SRPK1: variants seen among roughly 807,000 people sequenced by gnomAD.
SRPK1 encodes the protein SRSF protein kinase 1, also known as SFRS protein kinase 1.
In SRPK1, 52 loss-of-function variants were observed where a neutral mutation model predicts 89.5. That is an observed-to-expected ratio of 0.58 (90% CI 0.46 to 0.73). The LOEUF (loss-of-function observed/expected upper bound fraction) is 0.73, where lower values mean the gene tolerates loss of function less well. Among genes scored for constraint, SRPK1 ranks in the 30% least tolerant of loss-of-function variants. The pLI is 0.00. For synonymous variants in SRPK1, 255 were observed against 270.2 expected, an observed-to-expected ratio of 0.94 and a Z score of 0.55; for missense variants, 603 against 780.6, an observed-to-expected ratio of 0.77 and a Z score of 2.71.
At chr6:35,902,566 G>A (rs1342999261) in intron 2 of SRPK1, among the ~76,000 whole-genome samples, 2 of 152,132 alleles carry the variant, frequency 1.3e-5, no homozygotes, top group African/African-American at 4.8e-5. Flanking sequence ...GGCACTCAAT[G>A]CAATTTCATC....
intron 6 of SRPK1, among the ~76,000 whole-genome samples, chr6:35,884,150 AGAG>A (rs750831497): frequency 5.9e-5 from 9 of 152,204 alleles, no homozygotes; most frequent in Non-Finnish European, 2.9e-5. Context: ...ATTATGAATA[AGAG>A]GAGCTAGCAA....
intron 13 of SRPK1, among the ~76,000 whole-genome samples, chr6:35,848,662 G>A (rs541095563): frequency 9.8e-5 from 15 of 152,324 alleles, no homozygotes; most frequent in Admixed American, 8.5e-4. Context: ...CAGACGCATA[G>A]ACCAAAGGAA....
At chr6:35,873,316 G>A (rs759728401) in intron 7 of SRPK1, among the ~76,000 whole-genome samples, 3 of 152,140 alleles carry the variant, frequency 2.0e-5, no homozygotes, top group African/African-American at 4.8e-5. Flanking sequence ...ATTACTATTT[G>A]CAACCAGAAC....
chr6:35,920,586 GA>G, intron 1 of SRPK1, 58 bp from the exon 2 acceptor site: 1 of 1,565,918 alleles, frequency 6.4e-7, no homozygotes, highest in Non-Finnish European at 8.7e-7. Flanking sequence ...CGACCAAGGT[GA>G]GGGTGGAGAC....
chr6:35,885,784 A>C (rs1167030623), intron 6 of SRPK1, among the ~76,000 whole-genome samples: 1 of 152,238 alleles, frequency 6.6e-6, no homozygotes, highest in Non-Finnish European at 1.5e-5. Flanking sequence ...AGCTGTTGCA[A>C]TAACCTTTCC....
intron 12 of SRPK1, among the ~76,000 whole-genome samples, chr6:35,858,423 G>A (rs1769710499): frequency 6.6e-6 from 1 of 152,040 alleles, no homozygotes; most frequent in Non-Finnish European, 1.5e-5. Context: ...TATAAGAGGT[G>A]AAAACAGGCT....
chr6:35,890,844 A>T, intron 3 of SRPK1, 51 bp downstream of exon 3: 1 of 1,472,822 alleles, frequency 6.8e-7, no homozygotes, highest in East Asian at 2.6e-5. Context: ...CCAAACGAGA[A>T]ATTGCAAATA....
intron 12 of SRPK1, among the ~76,000 whole-genome samples, chr6:35,868,714 G>A (rs970728232): frequency 3.3e-5 from 5 of 152,000 alleles, no homozygotes; most frequent in Non-Finnish European, 5.9e-5. Flanking sequence ...AGTTAATAAT[G>A]ATATATATAT....
chr6:35,836,775 T>C (rs1346251103), intron 15 of SRPK1, among the ~76,000 whole-genome samples: 1 of 149,760 alleles, frequency 6.7e-6, no homozygotes, highest in Non-Finnish European at 1.5e-5. Context: ...ATAATAATAA[T>C]AATAATAATA....
chr6:35,863,469 A>T (rs1465746658), intron 12 of SRPK1, among the ~76,000 whole-genome samples: 1 of 150,414 alleles, frequency 6.6e-6, no homozygotes, highest in Non-Finnish European at 1.5e-5. Flanking sequence ...AAAAAAAAAA[A>T]ATTAATTAAT....
At position 35,921,061 on chromosome 6, in the gene SRPK1, A is replaced by G; in HGVS notation, c.-5T>C. 1 of 1,533,580 alleles carries G rather than the reference A, an allele frequency of 6.5e-7. No homozygotes were observed. Among genetic ancestry groups the G allele is most frequent in the Non-Finnish European group, 8.8e-7 (1 of 1,141,326 alleles). 95.0% of individuals were successfully genotyped at this position (1,533,580 alleles called of 1,614,324 possible). ...CCGCTCACCTTTCCGCTCCATGGTG[A>G]GACCGGTAATCGCCAGGCGCCTGCG... On this transcript the variant is annotated 5_prime_UTR_variant, in exon 1 of 16. Coordinates refer to ENST00000373825, the MANE Select transcript of SRPK1 (RefSeq NM_003137.5).
intron 12 of SRPK1, among the ~76,000 whole-genome samples, chr6:35,858,232 GCCA>G (rs72096063): frequency 9.9e-4 from 150 of 151,706 alleles, no homozygotes; most frequent in African/African-American, 3.5e-3. Context: ...TCCCAACCCT[GCCA>G]CCACACCTAC....
intron 7 of SRPK1, 40 bp from the exon 8 acceptor site, chr6:35,872,768 A>G: frequency 1.3e-6 from 2 of 1,532,772 alleles, no homozygotes; most frequent in Non-Finnish European, 1.8e-6. Flanking sequence ...AACACAAAAT[A>G]CAGGCTTTCT....
intron 2 of SRPK1, among the ~76,000 whole-genome samples, chr6:35,892,900 G>A (rs1189002659): frequency 1.3e-5 from 2 of 152,126 alleles, no homozygotes; most frequent in Non-Finnish European, 2.9e-5. Context: ...AGCTATTTAA[G>A]ACATAAGAAA....
chr6:35,845,310 C>G (rs1407974741), intron 13 of SRPK1, among the ~76,000 whole-genome samples: 1 of 152,148 alleles, frequency 6.6e-6, no homozygotes, highest in Non-Finnish European at 1.5e-5. Flanking sequence ...AAATGTATCA[C>G]TCTGGAGCAG....
chr6:35,847,735 G>C (rs561907277), intron 13 of SRPK1, among the ~76,000 whole-genome samples: 15 of 151,934 alleles, frequency 9.9e-5, no homozygotes, highest in Non-Finnish European at 1.9e-4. Flanking sequence ...TAAAAGACCT[G>C]TACACTGAAA....
At chr6:35,895,123 GA>G (rs1319067032) in intron 2 of SRPK1, among the ~76,000 whole-genome samples, 1 of 151,946 alleles carries the variant, frequency 6.6e-6, no homozygotes, top group Non-Finnish European at 1.5e-5. Context: ...ACACAAGGGA[GA>G]AAAACATAAT....
chr6:35,909,245 C>G (rs1770910870), intron 2 of SRPK1, among the ~76,000 whole-genome samples: 1 of 152,216 alleles, frequency 6.6e-6, no homozygotes, highest in Non-Finnish European at 1.5e-5. Flanking sequence ...TCGGCATGCC[C>G]TGGATGTGAG....
chr6:35,871,045 G>T, intron 8 of SRPK1, 86 bp from the exon 9 acceptor site: 2 of 1,143,514 alleles, frequency 1.7e-6, no homozygotes, highest in South Asian at 1.5e-5. Context: ...CTACCAGAAT[G>T]AAAAGTCTTT....
Sources: gnomAD v4.1 joint callset for allele counts (sites outside exome capture counted in the v4.1 genomes callset) on GRCh38, gnomAD v4.1.1 for gene constraint, MANE v1.5 for transcripts, NCBI Gene and HGNC (gene_info 2026-07-23, HGNC 2026-07-21) for gene names.